The following INSYN2A variants were observed in gnomAD, a reference collection of about 807,000 sequenced individuals.
INSYN2A encodes family with sequence similarity 196 member A.
Under a neutral mutation model 39.4 loss-of-function variants are expected in INSYN2A, and 17 were observed. The ratio of observed to expected loss-of-function variants is 0.43; its 90% CI spans 0.30 to 0.65. The LOEUF (loss-of-function observed/expected upper bound fraction) is 0.65. Among genes scored for constraint, INSYN2A ranks in the 30% least tolerant of loss-of-function variants. INSYN2A has a pLI of 0.14. For synonymous variants in INSYN2A, 255 were observed against 265.7 expected (o/e 0.96, Z 0.39); for missense variants, 595 against 631.2 (o/e 0.94, Z 0.61).
At chr10:127,158,330 G>A (rs548260169) in intron 4 of INSYN2A, among the ~76,000 whole-genome samples, 6 of 152,302 alleles carry the variant, frequency 3.9e-5, no homozygotes, top group Non-Finnish European at 7.4e-5. Flanking sequence ...GTGACAGTAG[G>A]GCTGGAGATC....
At chr10:127,195,531 C>CG (rs1339820956) in intron 1 of INSYN2A, among the ~76,000 whole-genome samples, 1 of 151,992 alleles carries the variant, frequency 6.6e-6, no homozygotes, top group Non-Finnish European at 1.5e-5. Context: ...CATCCCCCCC[C>CG]CGAAGTTAAT....
At chr10:127,186,313 A>T (rs1013637204) in intron 2 of INSYN2A, among the ~76,000 whole-genome samples, 5 of 152,176 alleles carry the variant, frequency 3.3e-5, no homozygotes, top group African/African-American at 1.2e-4. Flanking sequence ...CAGAAGGCAA[A>T]GGAGAAGCAG....
intron 2 of INSYN2A, among the ~76,000 whole-genome samples, chr10:127,185,977 C>T (rs1238409298): frequency 3.9e-5 from 6 of 152,180 alleles, no homozygotes; most frequent in Admixed American, 1.3e-4. Flanking sequence ...TTCTTGGGTA[C>T]TCCCAAGATA....
At chr10:127,191,468 C>A (rs1420415027) in intron 2 of INSYN2A, among the ~76,000 whole-genome samples, 1 of 152,158 alleles carries the variant, frequency 6.6e-6, no homozygotes, top group African/African-American at 2.4e-5. Flanking sequence ...ATCTTTGCTG[C>A]ATTTTTTAAG....
chr10:127,151,795 C>G (rs548547592), intron 5 of INSYN2A, among the ~76,000 whole-genome samples: 15 of 152,290 alleles, frequency 9.8e-5, no homozygotes, highest in Middle Eastern at 3.4e-3. Flanking sequence ...CGCAGTTCTT[C>G]TAGCAAGTGG....
rs547905940 is a variant in INSYN2A, at chr10:127,156,749, G to C, written c.1185-2826C>G. On this transcript the variant is annotated intron_variant, in intron 4 of 5. Transcript: ENST00000522781. ...ACTCCCGGCTAATTTTGTATTTTTA[G>C]TAGAGACGGGGTTTCTCTATGTTGG... Among the ~76,000 whole-genome samples, 91 of 151,822 alleles carry C rather than the reference G, an allele frequency of 6.0e-4. 1 individual carries two copies. Among genetic ancestry groups the C allele is most frequent in the Non-Finnish European group, 9.1e-4 (62 of 67,950 alleles).
At chr10:127,141,407 A>G (rs1466589253) in intron 5 of INSYN2A, among the ~76,000 whole-genome samples, 4 of 152,168 alleles carry the variant, frequency 2.6e-5, no homozygotes, top group Non-Finnish European at 1.5e-5. Context: ...ACAGAGTCTT[A>G]AAAGGCAAAT....
chr10:127,161,301 G>A (rs1206643190), intron 4 of INSYN2A, among the ~76,000 whole-genome samples: 1 of 152,178 alleles, frequency 6.6e-6, no homozygotes, highest in African/African-American at 2.4e-5. Context: ...ATATGAAGTT[G>A]ATTTTCATAA....
intron 4 of INSYN2A, among the ~76,000 whole-genome samples, chr10:127,168,505 A>G (rs1195704207): frequency 6.6e-6 from 1 of 152,224 alleles, no homozygotes; most frequent in Non-Finnish European, 1.5e-5. Flanking sequence ...GGCACTCAGT[A>G]TTCCAGAGAA....
Position 127,157,321 on chromosome 10 carries a change from G to GA in INSYN2A, c.1185-3399dup, listed in dbSNP as rs554904155. On this transcript the variant is annotated intron_variant, in intron 4 of 5. Transcript: ENST00000522781. ...ATGATGTTCCTCTGTTTGCAAGTCA[G>GA]AAAAAAAGGCCAGTGCTGCTGGAAT... Among the ~76,000 whole-genome samples the GA allele has an allele frequency of 8.5e-5, 13 of 152,250 alleles. No individual in the cohort carries two copies. In the South Asian group the frequency reaches 2.7e-3, roughly 32 times the overall value.
chr10:127,148,021 ACT>A (rs1451648654), intron 5 of INSYN2A, among the ~76,000 whole-genome samples: 1 of 116,584 alleles, frequency 8.6e-6, no homozygotes, highest in African/African-American at 3.2e-5. Context: ...ACAGAGTGAG[ACT>A]CTGTCTCAAA....
rs946371984 is a variant in INSYN2A at position 127,137,829 on chromosome 10, C to T, written c.*8G>A. The T allele has an allele frequency of 1.6e-5, 26 of 1,609,462 alleles. No homozygotes were observed. Among genetic ancestry groups the T allele is most frequent in the South Asian group, 1.4e-4 (13 of 90,268 alleles). The stretch of plus-strand genomic sequence containing the variant: ...AAGACGGCCTCGAGACTCCAGACAC[C>T]GTGAGTGTTAAAGGAACCAGAGTTT... On this transcript the variant is annotated 3_prime_UTR_variant, in exon 6 of 6. Coordinates refer to ENST00000522781, the MANE Select transcript of INSYN2A (RefSeq NM_001039762.3).
chr10:127,158,788 C>T (rs540600924), intron 4 of INSYN2A, among the ~76,000 whole-genome samples: 10 of 152,282 alleles, frequency 6.6e-5, no homozygotes, highest in South Asian at 2.1e-4. Flanking sequence ...CACTATGTAT[C>T]GTCCCATGGC....
intron 2 of INSYN2A, among the ~76,000 whole-genome samples, chr10:127,192,259 T>C (rs1280799300): frequency 6.6e-6 from 1 of 152,204 alleles, no homozygotes; most frequent in Non-Finnish European, 1.5e-5. Context: ...AAAATAAATA[T>C]TCACAAATAA....
chr10:127,166,959 A>G (rs2054141621), intron 4 of INSYN2A, among the ~76,000 whole-genome samples: 1 of 152,036 alleles, frequency 6.6e-6, no homozygotes, highest in African/African-American at 2.4e-5. Flanking sequence ...CTATTTTGGC[A>G]TTCTGCACAG....
chr10:127,165,080 A>C (rs2053957864), intron 4 of INSYN2A, among the ~76,000 whole-genome samples: 1 of 152,246 alleles, frequency 6.6e-6, no homozygotes, highest in Non-Finnish European at 1.5e-5. Context: ...ATACTGTATT[A>C]AACCAAATTT....
rs2489384 is a variant in INSYN2A, at chr10:127,176,452, A to G, written c.-5-52T>C. 0.7 allele frequency: 1,019,650 copies of G among 1,454,960 alleles called. 358,923 individuals are homozygous for G. Among genetic ancestry groups the G allele is most frequent in the East Asian group, 0.88 (38,381 of 43,720 alleles). The allele number at this position is 1,454,960 out of a possible 1,614,324, so 90.1% of individuals were successfully genotyped here. On this transcript the variant is annotated intron_variant, in intron 3 of 5. Coordinates refer to ENST00000522781, the MANE Select transcript of INSYN2A (RefSeq NM_001039762.3). The surrounding 1 kb of genome is among the most constrained non-coding windows in gnomAD (Gnocchi z 4.4). ...GTCAGTGGGACAGAAATACACACTC[A>G]AGCACCGGCCGCACAAACTTTTAGC...
intron 2 of INSYN2A, among the ~76,000 whole-genome samples, chr10:127,186,384 A>G (rs2056230376): frequency 6.6e-6 from 1 of 152,042 alleles, no homozygotes; most frequent in South Asian, 2.1e-4. Context: ...GCCAGACACT[A>G]GACATGGTGG....
At position 127,154,059 on chromosome 10, in the gene INSYN2A, C is replaced by T. The variant is rs942565250; in HGVS notation, c.1185-136G>A. 4.6e-6 allele frequency: 3 copies of T among 648,062 alleles called. No individual in the cohort carries two copies. The African/African-American group carries it at 5.4e-5, about 12-fold the overall frequency. 40.1% of individuals were successfully genotyped at this position (648,062 alleles called of 1,614,324 possible). A position where few individuals can be genotyped will look rare whatever the true frequency, so the allele number is the denominator to read the frequency against. On this transcript the variant is annotated intron_variant, in intron 4 of 5. Transcript: ENST00000522781. ...TGGAAATTGATTAATGCATGCTTCC[C>T]AGTTTGCTCCTGTCTCTGCTTTCGT...
Sources: gnomAD v4.1 joint callset for allele counts (sites outside exome capture counted in the v4.1 genomes callset) on GRCh38, gnomAD v4.1.1 for gene constraint, Gnocchi (gnomAD v3.1) non-coding constraint, MANE v1.5 for transcripts, NCBI Gene and HGNC (gene_info 2026-07-23, HGNC 2026-07-21) for gene names.